KATNAL2: variants seen among roughly 807,000 people sequenced by gnomAD.
KATNAL2 encodes katanin p60 ATPase-containing subunit A-like 2.
A neutral mutation model predicts 76.3 loss-of-function variants in KATNAL2; 52 were observed. The ratio of observed to expected loss-of-function variants is 0.68; its 90% confidence interval spans 0.55 to 0.86. The LOEUF is 0.86. Among genes scored for constraint, KATNAL2 ranks in the 40% least tolerant of loss-of-function variants. The pLI, the probability that KATNAL2 is intolerant of heterozygous loss-of-function variation, is 0.00. For missense variants in KATNAL2, 660 were observed against 668.9 expected (o/e 0.99, Z 0.15); for synonymous variants, 243 against 244.2 (o/e 1.00, Z 0.05).
rs79329769 is a variant in KATNAL2 at position 47,058,125 on chromosome 18, A to G, written c.333-110A>G. The G allele has an allele frequency of 1.9e-4, 153 of 785,482 alleles. No individual in the cohort carries two copies. The East Asian group carries it at 3.2e-3, about 16-fold the overall frequency. The allele number at this position is 785,482 out of a possible 1,614,324, so 48.7% of individuals were successfully genotyped here. A position where few individuals can be genotyped will look rare whatever the true frequency, so the allele number is the denominator to read the frequency against. ...GAAGGGCCCTATAGTTGCCACCTGC[A>G]TATCTTTCAATAGCTTTCTTAAATG... is the stretch of plus-strand genomic sequence containing the variant. On this transcript the variant is annotated intron_variant, in intron 6 of 17. Transcript: ENST00000683218.
chr18:47,076,318 C>G (rs2062219139), intron 14 of KATNAL2: 1 of 152,202 alleles, frequency 6.6e-6, no homozygotes, highest in Admixed American at 6.5e-5. Context: ...TGAAACAGGA[C>G]ATTTTCCTCA....
chr18:46,931,254 C>T (rs1377003272), intron 1 of KATNAL2, among the ~76,000 whole-genome samples: 1 of 151,044 alleles, frequency 6.6e-6, no homozygotes, highest in East Asian at 1.9e-4. Context: ...GAGCTGAGAT[C>T]GCTCCACTGC....
chr18:47,047,112 G>A (rs1385480845), intron 4 of KATNAL2, among the ~76,000 whole-genome samples: 4 of 151,996 alleles, frequency 2.6e-5, no homozygotes, highest in Admixed American at 6.6e-5. Flanking sequence ...GTACAGACAG[G>A]GTCTCACCAT....
chr18:47,083,430 T>C (rs893121974), intron 15 of KATNAL2, among the ~76,000 whole-genome samples: 1 of 152,204 alleles, frequency 6.6e-6, no homozygotes, highest in African/African-American at 2.4e-5. Context: ...TTCTCATCTA[T>C]TGCATCGTCC....
Position 47,033,140 on chromosome 18 carries a change from G to T in KATNAL2, c.52-13317G>T, listed in dbSNP as rs1249702802. 4.3e-6 allele frequency: 7 copies of T among 1,614,068 alleles called. No individual in the cohort carries two copies. In the East Asian group the frequency reaches 1.3e-4, roughly 31 times the overall value. Reference sequence around the variant, plus strand: ...CTGCTGCTCAGGCAGGGGTTGGCCCGCTTCTCAGGGAGCCAGCGAAGGATG... The same window carrying T: ...CTGCTGCTCAGGCAGGGGTTGGCCCTCTTCTCAGGGAGCCAGCGAAGGATG... On this transcript the variant is annotated intron_variant, in intron 3 of 17. Transcript: ENST00000683218.
rs748909669 is a variant in KATNAL2 at position 47,033,584 on chromosome 18, C to T, written c.52-12873C>T. ...CGATACAGCTGATCGGGCCTCCACC[C>T]TTCCAGAACAGGTTCAAGAACCCAG... On this transcript the variant is annotated intron_variant, in intron 3 of 17. Transcript: ENST00000683218. 6 of 1,614,080 alleles carry T rather than the reference C, an allele frequency of 3.7e-6. No individual in the cohort carries two copies. The East Asian group carries it at 8.9e-5, about 24-fold the overall frequency.
At chr18:46,959,939 A>G (rs955371534) in intron 3 of KATNAL2, among the ~76,000 whole-genome samples, 8 of 152,352 alleles carry the variant, frequency 5.3e-5, no homozygotes, top group East Asian at 1.9e-4. Flanking sequence ...TAAACATTTT[A>G]AAAAATTGAT....
chr18:47,069,799 A>G (rs1405674585), intron 13 of KATNAL2, among the ~76,000 whole-genome samples, 199 bp downstream of exon 13: 1 of 152,006 alleles, frequency 6.6e-6, no homozygotes, highest in Admixed American at 6.6e-5. Context: ...GCAAAACATG[A>G]TCTCCCTTCC....
intron 9 of KATNAL2, 31 bp from the exon 10 acceptor site, chr18:47,063,253 G>A: frequency 6.2e-7 from 1 of 1,604,740 alleles, no homozygotes; most frequent in Non-Finnish European, 8.5e-7. Flanking sequence ...AAGCAATATT[G>A]TAATGTGAGC....
At chr18:47,098,234 A>C in intron 15 of KATNAL2, 1 of 402,760 alleles carries the variant, frequency 2.5e-6, no homozygotes, top group Non-Finnish European at 4.9e-6. Context: ...AAAAAAAAAA[A>C]GTGTACTAGT....
intron 7 of KATNAL2, 54 bp from the exon 8 acceptor site, chr18:47,059,502 A>G (rs2061568430): frequency 3.2e-6 from 4 of 1,267,244 alleles, no homozygotes; most frequent in African/African-American, 1.5e-5. Context: ...AGGTACATCC[A>G]GCAACTCTCC....
At chr18:47,051,501 G>C (rs1274028360) in intron 4 of KATNAL2, among the ~76,000 whole-genome samples, 1 of 151,794 alleles carries the variant, frequency 6.6e-6, no homozygotes, top group Non-Finnish European at 1.5e-5. Context: ...CTGAGGGGCA[G>C]AATTTTCTTT....
intron 1 of KATNAL2, among the ~76,000 whole-genome samples, chr18:46,918,881 A>G (rs2058316268): frequency 6.6e-6 from 1 of 151,822 alleles, no homozygotes; most frequent in Non-Finnish European, 1.5e-5. Context: ...TTTTAATTCA[A>G]ATTCCCCTGT....
rs533374478 is a variant in KATNAL2 at position 46,928,075 on chromosome 18, T to C, written c.-510+10149T>C. Among the ~76,000 whole-genome samples, 990 of 152,366 alleles carry C rather than the reference T, an allele frequency of 6.5e-3. 7 individuals carry two copies. Among genetic ancestry groups the C allele is most frequent in the Non-Finnish European group, 0.011 (748 of 68,044 alleles). On this transcript the variant is annotated intron_variant, in intron 1 of 17. Transcript: ENST00000683218. The stretch of plus-strand genomic sequence containing the variant: ...GTAGTTTGATCGTCTGAAGCCTTCT[T>C]CTCTCAACTCGTCAAAGTCATTCTC...
At chr18:46,938,219 A>AT in intron 1 of KATNAL2, among the ~76,000 whole-genome samples, 2 of 152,012 alleles carry the variant, frequency 1.3e-5, no homozygotes, top group Admixed American at 6.6e-5. Context: ...AAAGTTATCT[A>AT]CTCTTTATAT....
rs192532687 is a variant in KATNAL2, at chr18:47,090,975, T to C, written c.1212-8268T>C. ...TGACCACTCACTTCATGGTGTTACA[T>C]AGACATACTGCAAAGACTTCACTTT... On this transcript the variant is annotated intron_variant, in intron 15 of 17. Transcript: ENST00000683218. 1.8e-4 allele frequency among the ~76,000 whole-genome samples: 28 copies of C among 152,342 alleles called. No individual in the cohort carries two copies. The East Asian group carries it at 2.3e-3, about 13-fold the overall frequency.
At chr18:46,921,998 T>A (rs2058571436) in intron 1 of KATNAL2, among the ~76,000 whole-genome samples, 1 of 152,162 alleles carries the variant, frequency 6.6e-6, no homozygotes, top group Non-Finnish European at 1.5e-5. Flanking sequence ...TATATCACAT[T>A]TCCTAACTCC....
chr18:46,946,545 T>G lies in KATNAL2; in HGVS notation c.-21T>G. 2 of 985,466 alleles carry G rather than the reference T, an allele frequency of 2.0e-6. No homozygotes were observed. Among genetic ancestry groups the G allele is most frequent in the Non-Finnish European group, 2.4e-6 (2 of 829,932 alleles). The allele number at this position is 985,466 out of a possible 1,614,324, so 61.0% of individuals were successfully genotyped here. On this transcript the variant is annotated splice_region_variant and 5_prime_UTR_variant, in exon 2 of 18. It removes an upstream start codon present in the reference 5' UTR. Transcript: ENST00000683218. ...CGGCTGAAATCAAGGACAAATATTA[T>G]GGTACATGGCCCTGGGTCAGCTTGT...
At chr18:47,033,684 C>T (rs758861153) in intron 3 of KATNAL2, 6 of 1,614,194 alleles carry the variant, frequency 3.7e-6, no homozygotes, top group Non-Finnish European at 3.4e-6. Flanking sequence ...GGCGCAGCGT[C>T]GGCACCTGGA....
Sources: allele counts gnomAD v4.1 joint callset (sites outside exome capture counted in the v4.1 genomes callset), GRCh38; gene constraint gnomAD v4.1.1; transcripts MANE v1.5; gene names NCBI Gene and HGNC (gene_info 2026-07-23, HGNC 2026-07-21).